FDFT1: variants seen among roughly 807,000 people sequenced by gnomAD.
The protein encoded by FDFT1 is farnesyl-diphosphate farnesyltransferase 1, also known as squalene synthase.
In FDFT1, 68 loss-of-function variants were observed where a neutral mutation model predicts 46.8. The ratio of observed to expected loss-of-function variants is 1.45; its 90% CI spans 1.19 to 1.78. FDFT1 has a LOEUF of 1.78. Ranked by LOEUF, FDFT1 falls within the 40% of genes most tolerant of loss-of-function variation. The pLI is 0.00. For synonymous variants in FDFT1, 351 were observed against 185.1 expected (o/e 1.90, Z -7.28); for missense variants, 928 against 524.4 (o/e 1.77, Z -7.52).
At chr8:11,818,121 C>T (rs939499871) in intron 3 of FDFT1, among the ~76,000 whole-genome samples, 1 of 152,154 alleles carries the variant, frequency 6.6e-6, no homozygotes, top group African/African-American at 2.4e-5. Context: ...GTTATGTACC[C>T]AGTAGTCATT....
At chr8:11,831,748 G>T in intron 7 of FDFT1, 78 bp downstream of exon 7, 3 of 1,145,038 alleles carry the variant, frequency 2.6e-6, no homozygotes, top group South Asian at 2.6e-5. Context: ...ACCAGGTTTG[G>T]ATATTAGATG....
At chr8:11,796,295 C>T (rs369174703) in intron 1 of FDFT1, among the ~76,000 whole-genome samples, 1 of 152,192 alleles carries the variant, frequency 6.6e-6, no homozygotes, top group East Asian at 1.9e-4. Context: ...TAGGACTGAT[C>T]TGATTACGCT....
chr8:11,836,087 A>G (rs1376821983), intron 7 of FDFT1, among the ~76,000 whole-genome samples: 3 of 150,324 alleles, frequency 2.0e-5, no homozygotes, highest in African/African-American at 7.3e-5. Flanking sequence ...TGGGAAGTGG[A>G]GGCTGCAGTG....
At chr8:11,823,580 A>C (rs1388925793) in intron 4 of FDFT1, among the ~76,000 whole-genome samples, 1 of 150,672 alleles carries the variant, frequency 6.6e-6, no homozygotes, top group Admixed American at 6.6e-5. Flanking sequence ...GTCAGAGACG[A>C]CTTTTTTTTT....
chr8:11,834,380 A>G (rs1392044235), intron 7 of FDFT1, among the ~76,000 whole-genome samples: 1 of 152,250 alleles, frequency 6.6e-6, no homozygotes, highest in South Asian at 2.1e-4. Context: ...CCAAACGGCC[A>G]GAAACCCCCA....
At chr8:11,812,588 C>T (rs941733471) in intron 3 of FDFT1, among the ~76,000 whole-genome samples, 1 of 152,202 alleles carries the variant, frequency 6.6e-6, no homozygotes, top group African/African-American at 2.4e-5. Context: ...CAGGTTGTTA[C>T]AAAGATAAGT....
intron 4 of FDFT1, among the ~76,000 whole-genome samples, chr8:11,823,762 G>C (rs560154244): frequency 1.3e-5 from 2 of 152,058 alleles, no homozygotes; most frequent in South Asian, 4.2e-4. Flanking sequence ...TATTATTTTT[G>C]AGACAGGGTA....
chr8:11,825,321 C>G (rs1338035698), intron 4 of FDFT1, among the ~76,000 whole-genome samples: 1 of 151,982 alleles, frequency 6.6e-6, no homozygotes, highest in Non-Finnish European at 1.5e-5. Flanking sequence ...GCTGGCAGAT[C>G]AGTTGAGGTC....
chr8:11,817,250 G>A (rs1027080806), intron 3 of FDFT1, among the ~76,000 whole-genome samples: 2 of 152,188 alleles, frequency 1.3e-5, no homozygotes, highest in Non-Finnish European at 2.9e-5. Flanking sequence ...GCTTTTTGAT[G>A]TGCTGCTGGA....
intron 3 of FDFT1, 133 bp from the exon 4 acceptor site, chr8:11,821,617 T>G: frequency 9.4e-7 from 1 of 1,063,978 alleles, no homozygotes; most frequent in Non-Finnish European, 1.4e-6. Flanking sequence ...ACAAAAAAAA[T>G]GTGTGACCTA....
At chr8:11,822,799 G>C (rs966345909) in intron 4 of FDFT1, among the ~76,000 whole-genome samples, 7 of 152,204 alleles carry the variant, frequency 4.6e-5, no homozygotes, top group Non-Finnish European at 7.3e-5. Context: ...GTGGGTGACA[G>C]AGCAAGACAC....
intron 7 of FDFT1, among the ~76,000 whole-genome samples, chr8:11,832,309 C>T (rs553302583): frequency 1.1e-4 from 16 of 152,078 alleles, no homozygotes; most frequent in African/African-American, 3.4e-4. Context: ...AATCCCAGCA[C>T]TTTGGGAGAC....
chr8:11,836,009 T>A (rs1048212349), intron 7 of FDFT1, among the ~76,000 whole-genome samples: 11 of 123,410 alleles, frequency 8.9e-5, no homozygotes, highest in Non-Finnish European at 1.6e-4. Flanking sequence ...AAAAGTTAGT[T>A]GGGCATGGTG....
intron 7 of FDFT1, among the ~76,000 whole-genome samples, chr8:11,834,230 C>T (rs538082621): frequency 7.9e-5 from 12 of 152,356 alleles, no homozygotes; most frequent in Admixed American, 2.6e-4. Context: ...TGGAGTGCAG[C>T]CCCAGGTCTT....
chr8:11,810,498 G>C (rs1261654761), intron 3 of FDFT1, among the ~76,000 whole-genome samples: 2 of 152,216 alleles, frequency 1.3e-5, no homozygotes, highest in African/African-American at 4.8e-5. Flanking sequence ...TAAAGTTAGA[G>C]CTGAGAGGAT....
upstream of FDFT1, chr8:11,801,827 G>A: frequency 2.6e-6 from 1 of 383,976 alleles, no homozygotes; most frequent in Non-Finnish European, 5.1e-6. Flanking sequence ...CGGAGTAGTT[G>A]GGACTACAGG....
upstream of FDFT1, chr8:11,801,747 G>A (rs1806139082): frequency 2.9e-6 from 1 of 349,548 alleles, no homozygotes; most frequent in Non-Finnish European, 5.6e-6. Context: ...TGGCTGGAGT[G>A]CAGCGGTGTC....
At chr8:11,820,020 A>G (rs1193510334) in intron 3 of FDFT1, among the ~76,000 whole-genome samples, 1 of 151,998 alleles carries the variant, frequency 6.6e-6, no homozygotes, top group Non-Finnish European at 1.5e-5. Flanking sequence ...TGACGTACAG[A>G]TGGGTTTTGG....
At chr8:11,827,361 T>TTAA (rs1458945377) in intron 5 of FDFT1, among the ~76,000 whole-genome samples, 1 of 151,838 alleles carries the variant, frequency 6.6e-6, no homozygotes, top group East Asian at 1.9e-4. Flanking sequence ...AAAACTAAAT[T>TTAA]TAAAAGATTA....
Sources: gnomAD v4.1 joint callset for allele counts (sites outside exome capture counted in the v4.1 genomes callset) on GRCh38, gnomAD v4.1.1 for gene constraint, MANE v1.5 for transcripts, NCBI Gene and HGNC (gene_info 2026-07-23, HGNC 2026-07-21) for gene names.